The following ZFPM2 variants were observed in gnomAD, a reference collection of about 807,000 sequenced individuals.
ZFPM2 encodes zinc finger protein, FOG family member 2, also known as zinc finger protein ZFPM2.
In ZFPM2, 20 loss-of-function variants were observed where a neutral mutation model predicts 98.6. The observed-to-expected ratio is 0.20, with a 90% CI of 0.14 to 0.29. The LOEUF (loss-of-function observed/expected upper bound fraction) is 0.29, where lower values mean the gene tolerates loss of function less well. Ranked by LOEUF, ZFPM2 falls within the 10% of genes least tolerant of loss-of-function variation. The probability of loss-of-function intolerance (pLI) is 1.00; values close to 1 mark genes in which losing one functional copy is unlikely to be tolerated. For synonymous variants in ZFPM2, 518 were observed against 502.7 expected (o/e 1.03, Z -0.41); for missense variants, 1,310 against 1,388.6 (o/e 0.94, Z 0.90).
At chr8:105,355,327 G>GT (rs2129731222) in intron 1 of ZFPM2, among the ~76,000 whole-genome samples, 1 of 152,204 alleles carries the variant, frequency 6.6e-6, no homozygotes, top group South Asian at 2.1e-4. Flanking sequence ...CTATGCTAAG[G>GT]AGTTTTGCAC....
chr8:105,710,922 G>T (rs1182924898), intron 5 of ZFPM2, among the ~76,000 whole-genome samples: 2 of 152,062 alleles, frequency 1.3e-5, no homozygotes, highest in African/African-American at 2.4e-5. Context: ...GTGAGTTATT[G>T]TGATGTTGTT....
intron 5 of ZFPM2, among the ~76,000 whole-genome samples, chr8:105,723,033 G>A (rs1811706635): frequency 6.6e-6 from 1 of 151,684 alleles, no homozygotes; most frequent in Non-Finnish European, 1.5e-5. Context: ...CTTCCTCATC[G>A]TCTGGCATTG....
intron 3 of ZFPM2, among the ~76,000 whole-genome samples, chr8:105,480,441 C>A (rs1813092343): frequency 6.6e-6 from 1 of 152,156 alleles, no homozygotes; most frequent in South Asian, 2.1e-4. Flanking sequence ...TCACCAGTAT[C>A]ATTGTAGAGT....
intron 3 of ZFPM2, among the ~76,000 whole-genome samples, chr8:105,533,238 C>A (rs1814334803): frequency 6.6e-6 from 1 of 152,056 alleles, no homozygotes; most frequent in Non-Finnish European, 1.5e-5. Flanking sequence ...TTCTCATAAA[C>A]ATATTTCAAA....
intron 4 of ZFPM2, among the ~76,000 whole-genome samples, chr8:105,602,824 A>C (rs1293726738): frequency 1.3e-5 from 2 of 152,232 alleles, no homozygotes; most frequent in Admixed American, 1.3e-4. Context: ...TAGAGGCCAC[A>C]TTCCAACCAG....
intron 1 of ZFPM2, among the ~76,000 whole-genome samples, chr8:105,376,097 C>T (rs767321891): frequency 2.6e-5 from 4 of 152,132 alleles, no homozygotes; most frequent in Non-Finnish European, 4.4e-5. Flanking sequence ...CCTCAGCACT[C>T]CCCTAACAGA....
At chr8:105,724,543 T>G (rs1811759509) in intron 5 of ZFPM2, among the ~76,000 whole-genome samples, 1 of 151,848 alleles carries the variant, frequency 6.6e-6, no homozygotes, top group African/African-American at 2.4e-5. Context: ...GAGAAACTGC[T>G]CACATGGAGA....
chr8:105,693,954 AT>A (rs1383251766), intron 5 of ZFPM2, among the ~76,000 whole-genome samples: 1 of 132,146 alleles, frequency 7.6e-6, no homozygotes, highest in African/African-American at 2.9e-5. Flanking sequence ...TATTATCCAA[AT>A]TTTTTTCTTT....
At chr8:105,734,306 T>C (rs1433484058) in intron 5 of ZFPM2, among the ~76,000 whole-genome samples, 3 of 151,974 alleles carry the variant, frequency 2.0e-5, no homozygotes. Flanking sequence ...GAAGTAGTAT[T>C]TATAAGTAGT....
intron 3 of ZFPM2, among the ~76,000 whole-genome samples, chr8:105,544,557 C>T (rs1814651385): frequency 6.6e-6 from 1 of 152,126 alleles, no homozygotes; most frequent in Non-Finnish European, 1.5e-5. Flanking sequence ...TTTCATGCAA[C>T]AAAGCTGAAA....
intron 6 of ZFPM2, chr8:105,796,622 ATGT>A (rs1235355601): frequency 6.6e-6 from 1 of 152,192 alleles, no homozygotes; most frequent in South Asian, 2.1e-4. Context: ...ATCGCCTTTA[ATGT>A]TGTCTCCCTG....
In ZFPM2 at chr8:105,535,004, G is replaced by A. The variant is rs534155377; in HGVS notation, c.302-26359G>A. On this transcript the variant is annotated intron_variant, in intron 3 of 7. Transcript: ENST00000407775. ...AGATGGCATTCTCCGAATACATGGT[G>A]TATCTCCTAAGACACAGCATTTGGC... Among the ~76,000 whole-genome samples, 6 of 152,234 alleles carry A rather than the reference G, an allele frequency of 3.9e-5. No homozygotes were observed. The South Asian group carries it at 8.3e-4, about 21-fold the overall frequency.
At chr8:105,398,211 G>A (rs1811261739) in intron 1 of ZFPM2, among the ~76,000 whole-genome samples, 1 of 151,990 alleles carries the variant, frequency 6.6e-6, no homozygotes, top group Non-Finnish European at 1.5e-5. Flanking sequence ...ATCTAAAGTG[G>A]ATTAGAACTG....
chr8:105,798,482 T>C, intron 6 of ZFPM2: 1 of 423,146 alleles, frequency 2.4e-6, no homozygotes, highest in Non-Finnish European at 4.2e-6. Flanking sequence ...CAATATCTTG[T>C]GTTTTAAATG....
intron 5 of ZFPM2, among the ~76,000 whole-genome samples, chr8:105,680,552 A>G (rs182618083): frequency 4.6e-5 from 7 of 152,158 alleles, no homozygotes; most frequent in Admixed American, 6.6e-5. Context: ...TCTCTTTACT[A>G]TCTTCCATGA....
intron 3 of ZFPM2, among the ~76,000 whole-genome samples, chr8:105,486,106 T>G (rs1280005574): frequency 6.6e-6 from 1 of 152,026 alleles, no homozygotes; most frequent in East Asian, 1.9e-4. Context: ...TTGTCATTAT[T>G]CCTTCTGCTT....
At chr8:105,389,013 C>CGTGTGTGTGTGTGTGTGTGTGT (rs142145699) in intron 1 of ZFPM2, among the ~76,000 whole-genome samples, 16 of 134,904 alleles carry the variant, frequency 1.2e-4, no homozygotes, top group East Asian at 2.2e-4. Context: ...AATTTGATGA[C>CGTGTGTGTGTGTGTGTGTGTGT]GTGTGTGTGT....
At chr8:105,632,728 G>A (rs930111144) in intron 4 of ZFPM2, among the ~76,000 whole-genome samples, 7 of 151,858 alleles carry the variant, frequency 4.6e-5, no homozygotes, top group African/African-American at 9.7e-5. Flanking sequence ...CATCTTTTTC[G>A]CAAGGCTTTT....
At position 105,683,945 on chromosome 8, in the gene ZFPM2, T is replaced by C. The variant is rs547472586; in HGVS notation, c.532+49588T>C. On this transcript the variant is annotated intron_variant, in intron 5 of 7. Coordinates refer to ENST00000407775, the MANE Select transcript of ZFPM2 (RefSeq NM_012082.4). The stretch of plus-strand genomic sequence containing the variant: ...TACATGGCAGGTGTCTGTTAAATGT[T>C]GTTGAATGAGTGAATGAATGAATGG... Among the ~76,000 whole-genome samples the C allele has an allele frequency of 2.6e-5, 4 of 152,280 alleles. No individual in the cohort carries two copies. In the South Asian group the frequency reaches 8.3e-4, roughly 32 times the overall value.
Sources: gnomAD v4.1 joint callset for allele counts (sites outside exome capture counted in the v4.1 genomes callset) on GRCh38, gnomAD v4.1.1 for gene constraint, MANE v1.5 for transcripts, NCBI Gene and HGNC (gene_info 2026-07-23, HGNC 2026-07-21) for gene names.